AR: variants seen among roughly 807,000 people sequenced by gnomAD.
AR encodes the protein dihydrotestosterone receptor.
A neutral mutation model predicts 53.9 loss-of-function variants in AR; 8 were observed. The observed-to-expected ratio is 0.15, with a 90% CI of 0.09 to 0.27. AR has a LOEUF of 0.27. AR is among the 10% of genes least tolerant of loss of function. AR has a pLI of 1.00. For missense variants in AR, 639 were observed against 742.5 expected, an observed-to-expected ratio of 0.86 and a Z score of 1.62; for synonymous variants, 359 against 316.4, an observed-to-expected ratio of 1.13 and a Z score of -1.43.
At chrX:67,615,276 G>C (rs1924067102) in intron 1 of AR, among the ~76,000 whole-genome samples, 1 of 110,763 alleles carries the variant, frequency 9.0e-6, no homozygotes, top group African/African-American at 3.3e-5. Context: ...TTGATACTTA[G>C]ATACATCATA....
chrX:67,596,178 C>G (rs1476761018), intron 1 of AR, among the ~76,000 whole-genome samples: 2 of 110,911 alleles, frequency 1.8e-5, no homozygotes, highest in Non-Finnish European at 3.8e-5. Flanking sequence ...TCACCAGAAG[C>G]CGAACAGATG....
chrX:67,573,586 A>G (rs985685997), intron 1 of AR, among the ~76,000 whole-genome samples: 1 of 111,184 alleles, frequency 9.0e-6, no homozygotes, highest in Non-Finnish European at 1.9e-5. Context: ...TTATGAATAC[A>G]TTTCTATTGC....
intron 1 of AR, among the ~76,000 whole-genome samples, chrX:67,616,580 C>A (rs527794921): frequency 1.8e-5 from 2 of 111,376 alleles, no homozygotes; most frequent in East Asian, 2.9e-4. Flanking sequence ...GCCACATTTT[C>A]TTTCTGCTTG....
intron 1 of AR, among the ~76,000 whole-genome samples, chrX:67,551,004 T>TTTTG (rs1425285882): frequency 3.0e-5 from 3 of 101,147 alleles, no homozygotes; most frequent in African/African-American, 1.1e-4. Context: ...TAGCTGGGTT[T>TTTTG]TTTTTTTTTT....
chrX:67,724,703 T>C lies in AR; in HGVS notation c.*862T>C, dbSNP rs890463410. On this transcript the variant is annotated 3_prime_UTR_variant, in exon 8 of 8. Coordinates refer to ENST00000374690, the MANE Select transcript of AR (RefSeq NM_000044.6). Reference sequence around the variant, plus strand: ...GCTTGTTGTTGAAAATTTGTCTGCATGTTAATGCCTCACCCCCAAACCCTT... The same window carrying C: ...GCTTGTTGTTGAAAATTTGTCTGCACGTTAATGCCTCACCCCCAAACCCTT... 2 of 173,889 alleles carry C rather than the reference T, an allele frequency of 1.2e-5. No individual in the cohort carries two copies. The highest frequency in any genetic ancestry group is 5.9e-5 in the African/African-American group (2 of 33,707). 14.3% of individuals were successfully genotyped at this position (173,889 alleles called of 1,213,427 possible). A position where few individuals can be genotyped will look rare whatever the true frequency, so the allele number is the denominator to read the frequency against.
chrX:67,670,799 G>A (rs778254247), intron 2 of AR, among the ~76,000 whole-genome samples: 1 of 110,287 alleles, frequency 9.1e-6, no homozygotes, highest in South Asian at 3.9e-4. Context: ...CCCTCCCTGT[G>A]TCCATGTGTT....
intron 2 of AR, among the ~76,000 whole-genome samples, chrX:67,675,843 A>G (rs1427525205): frequency 1.8e-5 from 2 of 111,334 alleles, no homozygotes; most frequent in Admixed American, 9.5e-5. Context: ...ATGGGGGACA[A>G]TTGCTGGAGG....
intron 3 of AR, among the ~76,000 whole-genome samples, chrX:67,708,562 T>G (rs1167073119): frequency 9.0e-6 from 1 of 111,549 alleles, no homozygotes; most frequent in Non-Finnish European, 1.9e-5. Flanking sequence ...TTTTCAAGGT[T>G]TTTAACTTCT....
intron 1 of AR, among the ~76,000 whole-genome samples, chrX:67,633,975 A>G (rs1218725397): frequency 9.2e-6 from 1 of 108,935 alleles, no homozygotes; most frequent in East Asian, 2.8e-4. Flanking sequence ...TTGCTCTAAA[A>G]TTAGTTTGCA....
intron 1 of AR, among the ~76,000 whole-genome samples, chrX:67,588,940 G>A (rs1184930098): frequency 1.8e-5 from 2 of 112,188 alleles, no homozygotes; most frequent in Non-Finnish European, 3.8e-5. Context: ...CCCTCTAGTA[G>A]TACTCAACAC....
At chrX:67,611,035 A>G (rs191815764) in intron 1 of AR, among the ~76,000 whole-genome samples, 1 of 111,820 alleles carries the variant, frequency 8.9e-6, no homozygotes, top group African/African-American at 3.2e-5. Context: ...GCACTTTAAG[A>G]ACTTAGTTAT....
chrX:67,682,445 T>TA (rs745415118), intron 2 of AR, among the ~76,000 whole-genome samples: 2 of 108,916 alleles, frequency 1.8e-5, no homozygotes, highest in African/African-American at 6.7e-5. Flanking sequence ...CCACCACACC[T>TA]AGCTAATTTT....
intron 2 of AR, among the ~76,000 whole-genome samples, chrX:67,656,359 A>G (rs1926589150): frequency 9.0e-6 from 1 of 111,106 alleles, no homozygotes; most frequent in Non-Finnish European, 1.9e-5. Flanking sequence ...TGCGGCAGAT[A>G]CAATGTGATG....
At chrX:67,633,857 G>GA (rs1470706279) in intron 1 of AR, among the ~76,000 whole-genome samples, 7 of 111,870 alleles carry the variant, frequency 6.3e-5, no homozygotes, top group African/African-American at 2.3e-4. Flanking sequence ...GTCCATAAAA[G>GA]AAAAATATTT....
chrX:67,615,236 T>C (rs1668861067), intron 1 of AR, among the ~76,000 whole-genome samples: 1 of 111,082 alleles, frequency 9.0e-6, no homozygotes, highest in South Asian at 3.7e-4. Flanking sequence ...AAAATTTTTT[T>C]AAAACTTCAA....
rs796606484 is a variant in AR at position 67,723,312 on chromosome X, CTGTGTGTG to C, written c.2608-340_2608-333del. ...GTCATGTTCATGTGAGTTTGTCTGT[CTGTGTGTG>C]TGTGTGTGTGTGTGTGTGTGTGTGT... On this transcript the variant is annotated intron_variant, in intron 7 of 7. Coordinates refer to ENST00000374690, the MANE Select transcript of AR (RefSeq NM_000044.6). Among the ~76,000 whole-genome samples the C allele has an allele frequency of 3.3e-3, 259 of 78,007 alleles. 1 individual carries two copies. Among genetic ancestry groups the C allele is most frequent in the African/African-American group, 0.013 (244 of 18,391 alleles). 67.7% of individuals were successfully genotyped at this position (78,007 alleles called of 115,157 possible). A position where few individuals can be genotyped will look rare whatever the true frequency, so the allele number is the denominator to read the frequency against.
chrX:67,686,064 G>T lies in AR; in HGVS notation c.1823G>T (p.Arg608Leu). The T allele has an allele frequency of 8.3e-7, 1 of 1,211,145 alleles. No individual in the cohort carries two copies. Among genetic ancestry groups the T allele is most frequent in the South Asian group, 1.8e-5 (1 of 56,996 alleles). ...SRNDCTIDKF[R>L]RKNCPSCRLR... ...AATGATTGCACTATTGATAAATTCC[G>T]AAGGAAAAATTGTCCATCTTGTCGT... Residue 608 changes from arginine (R) to leucine (L), a missense_variant, in exon 3 of 8, where the codon CGA becomes CTA. Arg to Leu is a moderately radical substitution (Grantham distance 102). Transcript: ENST00000374690.
chrX:67,702,331 A>G (rs2076046051), intron 3 of AR, among the ~76,000 whole-genome samples: 1 of 111,169 alleles, frequency 9.0e-6, no homozygotes, highest in African/African-American at 3.3e-5. Context: ...TTCTGTAGGA[A>G]CTGTAGCAGG....
At chrX:67,620,444 A>T (rs1449641044) in intron 1 of AR, among the ~76,000 whole-genome samples, 1 of 109,445 alleles carries the variant, frequency 9.1e-6, no homozygotes, top group African/African-American at 3.3e-5. Context: ...ATGGAGTGAG[A>T]TGGGGTAAAT....
Sources: gnomAD v4.1 joint callset for allele counts (sites outside exome capture counted in the v4.1 genomes callset) on GRCh38, gnomAD v4.1.1 for gene constraint, MANE v1.5 for transcripts, NCBI Gene and HGNC (gene_info 2026-07-23, HGNC 2026-07-21) for gene names.